Variants in MAP4K3 observed in about 807,000 individuals in gnomAD.
The protein encoded by MAP4K3 is mitogen-activated protein kinase kinase kinase kinase 3.
MAP4K3 carries 94 observed loss-of-function variants against 143.5 expected under a neutral mutation model. The ratio of observed to expected loss-of-function variants is 0.65; its 90% CI spans 0.55 to 0.78. MAP4K3 has a LOEUF of 0.78. Among genes scored for constraint, MAP4K3 ranks in the 30% least tolerant of loss-of-function variants. The probability of loss-of-function intolerance (pLI) is 0.00; values close to 1 mark genes in which losing one functional copy is unlikely to be tolerated. For synonymous variants in MAP4K3, 416 were observed against 347.2 expected (o/e 1.20, Z -2.20); for missense variants, 1,077 against 1,068.1 (o/e 1.01, Z -0.12).
Position 39,421,738 on chromosome 2 carries a change from T to C in MAP4K3, c.96+15154A>G, listed in dbSNP as rs1280939344. On this transcript the variant is annotated intron_variant, in intron 1 of 33. Transcript: ENST00000263881. The stretch of plus-strand genomic sequence containing the variant: ...GTTCTCTATTATTCTCCAATACAAA[T>C]CATTTGATGTAGTTTGGCCCGTTTC... Among the ~76,000 whole-genome samples the C allele has an allele frequency of 2.0e-5, 3 of 152,306 alleles. No homozygotes were observed. In the East Asian group the frequency reaches 5.8e-4, roughly 29 times the overall value.
At chr2:39,287,648 A>G (rs1681855769) in intron 20 of MAP4K3, among the ~76,000 whole-genome samples, 1 of 152,146 alleles carries the variant, frequency 6.6e-6, no homozygotes, top group African/African-American at 2.4e-5. Flanking sequence ...AACACAGAGG[A>G]GTCTTTACAG....
chr2:39,355,456 AG>A (rs1665585733), intron 3 of MAP4K3, among the ~76,000 whole-genome samples: 1 of 150,950 alleles, frequency 6.6e-6, no homozygotes. Flanking sequence ...ACCTGAGCCT[AG>A]GGAGGTCAAG....
At chr2:39,383,098 G>C (rs971861854) in intron 1 of MAP4K3, among the ~76,000 whole-genome samples, 1 of 152,166 alleles carries the variant, frequency 6.6e-6, no homozygotes, top group African/African-American at 2.4e-5. Context: ...CACTGCTGAA[G>C]GGATGGCTTC....
At chr2:39,435,896 T>C (rs1340086645) in intron 1 of MAP4K3, among the ~76,000 whole-genome samples, 6 of 152,250 alleles carry the variant, frequency 3.9e-5, no homozygotes, top group African/African-American at 1.4e-4. Context: ...CCACAGGCAT[T>C]ACACTGAAGA....
intron 24 of MAP4K3, 81 bp from the exon 25 acceptor site, chr2:39,272,623 G>A: frequency 9.1e-7 from 1 of 1,095,520 alleles, no homozygotes; most frequent in Non-Finnish European, 1.4e-6. Flanking sequence ...CACGTAAGCT[G>A]TCTTATCTAC....
chr2:39,355,821 T>C (rs753494274), intron 3 of MAP4K3, among the ~76,000 whole-genome samples: 1 of 152,114 alleles, frequency 6.6e-6, no homozygotes, highest in Non-Finnish European at 1.5e-5. Flanking sequence ...GTTCTTTGGA[T>C]ACAATGAAGG....
intron 15 of MAP4K3, among the ~76,000 whole-genome samples, chr2:39,305,468 C>G (rs1018489031): frequency 6.6e-6 from 1 of 152,130 alleles, no homozygotes; most frequent in African/African-American, 2.4e-5. Flanking sequence ...ATTTGTAAAA[C>G]AAGAATAATA....
intron 32 of MAP4K3, among the ~76,000 whole-genome samples, chr2:39,252,946 G>A (rs1039565761): frequency 6.7e-6 from 1 of 149,474 alleles, no homozygotes; most frequent in Non-Finnish European, 1.5e-5. Context: ...TAGTTCTCAG[G>A]TGACTTTTTG....
intron 1 of MAP4K3, among the ~76,000 whole-genome samples, chr2:39,413,498 A>T (rs1667286437): frequency 6.6e-6 from 1 of 152,124 alleles, no homozygotes; most frequent in Admixed American, 6.5e-5. Context: ...GCACAATCAC[A>T]AGATATATGA....
chr2:39,350,739 C>T (rs1665431353), intron 3 of MAP4K3, among the ~76,000 whole-genome samples: 1 of 152,140 alleles, frequency 6.6e-6, no homozygotes, highest in Admixed American at 6.5e-5. Context: ...TAGGTCCATC[C>T]TCCACAGAAT....
intron 12 of MAP4K3, among the ~76,000 whole-genome samples, chr2:39,320,840 G>A (rs1683277678): frequency 6.6e-6 from 1 of 152,048 alleles, no homozygotes; most frequent in South Asian, 2.1e-4. Context: ...TACCTTTGAA[G>A]GAGATACACT....
At chr2:39,314,771 G>A (rs1683058982) in intron 13 of MAP4K3, among the ~76,000 whole-genome samples, 1 of 152,134 alleles carries the variant, frequency 6.6e-6, no homozygotes, top group Non-Finnish European at 1.5e-5. Flanking sequence ...AATAACTGGA[G>A]GCCTATTTTA....
chr2:39,354,790 A>T (rs1176014381), intron 3 of MAP4K3, among the ~76,000 whole-genome samples: 2 of 152,228 alleles, frequency 1.3e-5, no homozygotes, highest in African/African-American at 4.8e-5. Flanking sequence ...CAAAAGCTAG[A>T]AAGATGACAG....
chr2:39,333,832 GAT>G (rs1396937611), intron 6 of MAP4K3, among the ~76,000 whole-genome samples: 1 of 152,066 alleles, frequency 6.6e-6, no homozygotes, highest in Non-Finnish European at 1.5e-5. Context: ...ATATAAAAGT[GAT>G]ATATTAGTTT....
chr2:39,278,005 G>A (rs1681343345), intron 24 of MAP4K3, among the ~76,000 whole-genome samples: 2 of 151,594 alleles, frequency 1.3e-5, no homozygotes, highest in Non-Finnish European at 1.5e-5. Flanking sequence ...AAATTAGCCA[G>A]GCATGGTGGC....
At chr2:39,395,336 C>T (rs1046116252) in intron 1 of MAP4K3, among the ~76,000 whole-genome samples, 5 of 151,298 alleles carry the variant, frequency 3.3e-5, no homozygotes, top group African/African-American at 9.7e-5. Flanking sequence ...CATACACACA[C>T]ACACACACAC....
chr2:39,318,555 G>A (rs780566187), intron 12 of MAP4K3, among the ~76,000 whole-genome samples: 3 of 151,792 alleles, frequency 2.0e-5, no homozygotes, highest in Non-Finnish European at 2.9e-5. Context: ...CTGCGATAAC[G>A]GGCTTATAGT....
In MAP4K3 at chr2:39,254,460, C is replaced by T. The variant is rs1476637768; in HGVS notation, c.2531G>A (p.Arg844Lys). 2 of 1,613,758 alleles carry T rather than the reference C, an allele frequency of 1.2e-6. No homozygotes were observed. The change falls in exon 32 of 34, where the codon AGA becomes AAA. Residue 844 changes from arginine to lysine, a missense_variant. By Grantham distance (26) the Arg-to-Lys change is conservative. Transcript: ENST00000263881. ...WKHGMQGRSF[R>K]SNEVTQEISD... ...ACATAATTTACTTACCTCATTAGAT[C>T]TAAAACTTCTACCTTGCATTCCATG...
chr2:39,366,911 T>C (rs1181966064), intron 2 of MAP4K3, among the ~76,000 whole-genome samples: 2 of 152,182 alleles, frequency 1.3e-5, no homozygotes, highest in Admixed American at 1.3e-4. Flanking sequence ...TTTGAATTTT[T>C]GAAGAAATAT....
Sources: allele counts gnomAD v4.1 joint callset (sites outside exome capture counted in the v4.1 genomes callset), GRCh38; gene constraint gnomAD v4.1.1; transcripts MANE v1.5; gene names NCBI Gene and HGNC (gene_info 2026-07-23, HGNC 2026-07-21).